The following PDIA6 variants were observed in gnomAD, a reference collection of about 807,000 sequenced individuals.
The protein encoded by PDIA6 is protein disulfide-isomerase A6.
A neutral mutation model predicts 58.4 loss-of-function variants in PDIA6; 29 were observed. That is an observed-to-expected ratio of 0.50 (90% CI 0.37 to 0.68). The LOEUF (loss-of-function observed/expected upper bound fraction) is 0.68, where lower values mean the gene tolerates loss of function less well. PDIA6 is among the 30% of genes least tolerant of loss of function. The pLI, the probability that PDIA6 is intolerant of heterozygous loss-of-function variation, is 0.00. For synonymous variants in PDIA6, 192 were observed against 202.6 expected (o/e 0.95, Z 0.44); for missense variants, 480 against 551.0 (o/e 0.87, Z 1.29).
intron 1 of PDIA6, chr2:10,810,317 C>T (rs1046795182): frequency 6.5e-7 from 1 of 1,532,932 alleles, no homozygotes; most frequent in African/African-American, 1.4e-5. Context: ...ATCCACAGAG[C>T]ATCATTAGGT....
chr2:10,831,783 G>C (rs1487576619), intron 1 of PDIA6, among the ~76,000 whole-genome samples: 2 of 152,028 alleles, frequency 1.3e-5, no homozygotes, highest in Non-Finnish European at 2.9e-5. Context: ...CCCAGCTCCC[G>C]GCCGTAGTCA....
chr2:10,785,109 AAC>A (rs1203190889), intron 11 of PDIA6, 79 bp from the exon 12 acceptor site: 1 of 981,004 alleles, frequency 1.0e-6, no homozygotes, highest in African/African-American at 1.6e-5. Context: ...CTTTAAAAAT[AAC>A]AGTCTGCCTA....
chr2:10,790,762 G>A lies in PDIA6; in HGVS notation c.656C>T (p.Ala219Val), dbSNP rs752689582. 6.2e-7 allele frequency: 1 copy of A among 1,614,098 alleles called. No homozygotes were observed. Among genetic ancestry groups the A allele is most frequent in the Non-Finnish European group, 8.5e-7 (1 of 1,179,948 alleles). Residue 219 changes from alanine (A) to valine (V), a missense_variant, in exon 7 of 13, where the codon GCT (alanine) becomes GTT (valine). Ala to Val is a moderately conservative substitution (Grantham distance 64). Transcript: ENST00000272227. ...AACCTGATTGACTGTAGCATCCACA[G>A]CTGCCAGTTTCACTTTTCCTTTCGT... The part of the protein sequence containing the change: ...EQTKGKVKLA[A>V]VDATVNQVLA...
intron 1 of PDIA6, chr2:10,821,095 G>T (rs1667376056): frequency 6.4e-6 from 3 of 469,476 alleles, no homozygotes; most frequent in Non-Finnish European, 1.2e-5. Context: ...GATTTGGAAT[G>T]CCCTCTTCTC....
chr2:10,797,232 A>G (rs1433948582), intron 3 of PDIA6, 25 bp from the exon 4 acceptor site: 1 of 1,599,824 alleles, frequency 6.3e-7, no homozygotes, highest in Admixed American at 1.8e-5. Context: ...AAGAAATAAC[A>G]ATTTTTCCTT....
upstream of PDIA6, among the ~76,000 whole-genome samples, chr2:10,835,840 C>A (rs1344060613): frequency 1.3e-5 from 2 of 152,322 alleles, no homozygotes; most frequent in Middle Eastern, 3.4e-3. Flanking sequence ...CATTTGAGGT[C>A]AGGAGTTCGA....
intron 2 of PDIA6, among the ~76,000 whole-genome samples, chr2:10,802,077 A>G (rs1348520691): frequency 3.3e-5 from 5 of 152,244 alleles, no homozygotes; most frequent in East Asian, 3.8e-4. Context: ...TTGACTGTAT[A>G]TAATTTTGTG....
intron 6 of PDIA6, among the ~76,000 whole-genome samples, chr2:10,791,508 ATT>A: frequency 6.6e-6 from 1 of 152,282 alleles, no homozygotes; most frequent in Non-Finnish European, 1.5e-5. Flanking sequence ...CCTAGAAAAC[ATT>A]TTGTGTGTGG....
upstream of PDIA6, among the ~76,000 whole-genome samples, chr2:10,816,451 C>A (rs1278792578): frequency 6.7e-6 from 1 of 148,668 alleles, no homozygotes; most frequent in Non-Finnish European, 1.5e-5. Context: ...AGCCTAGAGT[C>A]AGGTGTTGGG....
At chr2:10,811,502 AC>A (rs1666996479) in intron 1 of PDIA6, among the ~76,000 whole-genome samples, 1 of 43,036 alleles carries the variant, frequency 2.3e-5, no homozygotes, top group Non-Finnish European at 8.3e-5. Flanking sequence ...GTCTCAAAAA[AC>A]AGAAAGACAT....
intron 4 of PDIA6, among the ~76,000 whole-genome samples, chr2:10,795,167 T>C (rs188953622): frequency 2.1e-4 from 32 of 152,218 alleles, no homozygotes; most frequent in Non-Finnish European, 4.1e-4. Flanking sequence ...TGAAGTATAC[T>C]AGGAAAAAAA....
At chr2:10,813,515 G>A (rs1667097418), upstream of PDIA6, among the ~76,000 whole-genome samples, 1 of 152,250 alleles carries the variant, frequency 6.6e-6, no homozygotes, top group Non-Finnish European at 1.5e-5. Flanking sequence ...AGGCTGGCGA[G>A]CAGTGGCATG....
At chr2:10,802,689 G>A in intron 1 of PDIA6, 49 bp from the exon 2 acceptor site, 1 of 1,334,584 alleles carries the variant, frequency 7.5e-7, no homozygotes, top group Non-Finnish European at 9.7e-7. Flanking sequence ...TTCATGCTTT[G>A]ACTGGAAACC....
At chr2:10,792,267 T>C (rs1012247433) in intron 5 of PDIA6, among the ~76,000 whole-genome samples, 10 of 152,222 alleles carry the variant, frequency 6.6e-5, no homozygotes, top group African/African-American at 2.4e-4. Context: ...CAGCTGCTGC[T>C]TCATCCTAGG....
intron 2 of PDIA6, among the ~76,000 whole-genome samples, chr2:10,799,765 C>T (rs1666421564): frequency 6.6e-6 from 1 of 151,992 alleles, no homozygotes; most frequent in Admixed American, 6.6e-5. Context: ...AGAGTTCATC[C>T]TCTCTTCTAT....
intron 11 of PDIA6, among the ~76,000 whole-genome samples, chr2:10,786,053 T>A (rs1458370775): frequency 6.6e-6 from 1 of 152,096 alleles, no homozygotes; most frequent in Non-Finnish European, 1.5e-5. Context: ...CCAGGCGTGG[T>A]GGCTCACACC....
rs1332723271 is a variant in PDIA6, at chr2:10,805,872, G to A, written c.20-3232C>T. On this transcript the variant is annotated intron_variant, in intron 1 of 12. Transcript: ENST00000272227. Reference sequence around the variant, plus strand: ...GGGAATTGAACAATGAGATCACATGGACACAGGAAGGGGAATATCACACTC... The same window carrying A: ...GGGAATTGAACAATGAGATCACATGAACACAGGAAGGGGAATATCACACTC... Among the ~76,000 whole-genome samples the A allele has an allele frequency of 1.8e-4, 14 of 79,166 alleles. No individual in the cohort carries two copies. In the South Asian group the frequency reaches 2.4e-3, roughly 13 times the overall value. The allele number at this position is 79,166 out of a possible 152,430, so 51.9% of individuals were successfully genotyped here. A position where few individuals can be genotyped will look rare whatever the true frequency, so the allele number is the denominator to read the frequency against.
chr2:10,818,256 A>G (rs1667262261), intron 2 of PDIA6, among the ~76,000 whole-genome samples: 1 of 151,230 alleles, frequency 6.6e-6, no homozygotes, highest in Admixed American at 6.6e-5. Context: ...TCAACCTCCT[A>G]GTGTCAAGCA....
At chr2:10,793,861 G>A (rs1161252207) in intron 4 of PDIA6, among the ~76,000 whole-genome samples, 7 of 152,148 alleles carry the variant, frequency 4.6e-5, no homozygotes, top group South Asian at 2.1e-4. Context: ...AGAAAAGATG[G>A]AAAAAGTAGG....
Sources: allele counts gnomAD v4.1 joint callset (sites outside exome capture counted in the v4.1 genomes callset), GRCh38; gene constraint gnomAD v4.1.1; transcripts MANE v1.5; gene names NCBI Gene and HGNC (gene_info 2026-07-23, HGNC 2026-07-21).